The following RTL4 variants were observed in gnomAD, a reference collection of about 807,000 sequenced individuals.
The protein encoded by RTL4 is retrotransposon Gag like 4.
In RTL4, 4 loss-of-function variants were observed where a neutral mutation model predicts 5.3. The ratio of observed to expected loss-of-function variants is 0.75; its 90% CI spans 0.37 to 1.72. The LOEUF (loss-of-function observed/expected upper bound fraction) is 1.72, where lower values mean the gene tolerates loss of function less well. Among genes scored for constraint, RTL4 ranks in the 40% most tolerant of loss-of-function variants. The probability of loss-of-function intolerance (pLI) is 0.04; values close to 1 mark genes in which losing one functional copy is unlikely to be tolerated. For missense variants in RTL4, 260 were observed against 227.1 expected (o/e 1.14, Z -0.93); for synonymous variants, 98 against 87.3 (o/e 1.12, Z -0.68).
the RTL4 span, among the ~76,000 whole-genome samples, chrX:112,405,025 A>T: frequency 9.0e-6 from 1 of 111,488 alleles, no homozygotes; most frequent in African/African-American, 3.3e-5. Context: ...GGAGGTACTG[A>T]TCCAGGTGAT....
chrX:112,284,473 T>C, the RTL4 span, among the ~76,000 whole-genome samples: 1 of 110,877 alleles, frequency 9.0e-6, no homozygotes, highest in East Asian at 2.8e-4. Flanking sequence ...CTGAACTTTC[T>C]CATTCTAACT....
At chrX:112,438,461 C>T in the RTL4 span, among the ~76,000 whole-genome samples, 11 of 112,648 alleles carry the variant, frequency 9.8e-5, no homozygotes, top group Non-Finnish European at 1.9e-4. Flanking sequence ...CAGACTGAGA[C>T]TTGTAGTTCT....
At chrX:112,177,257 C>T in the RTL4 span, among the ~76,000 whole-genome samples, 4 of 110,929 alleles carry the variant, frequency 3.6e-5, no homozygotes, top group African/African-American at 1.3e-4. Context: ...CTTTGAGAAA[C>T]CTCCATAGAG....
chrX:112,091,946 AATTG>A, the RTL4 span, among the ~76,000 whole-genome samples: 19 of 111,655 alleles, frequency 1.7e-4, no homozygotes, highest in African/African-American at 6.2e-4. Flanking sequence ...TTTCTTGATT[AATTG>A]ACCCTTTTAC....
chrX:112,266,680 C>T, the RTL4 span, among the ~76,000 whole-genome samples: 1 of 111,436 alleles, frequency 9.0e-6, no homozygotes, highest in African/African-American at 3.3e-5. Context: ...TCTTTTGCTG[C>T]CCCTGTAATC....
Position 112,455,519 on chromosome X carries a change from T to TGCCTCTCACCCCAGCC in RTL4, c.792_807dup (p.Lys270AlafsTer42), listed in dbSNP as rs760898202. 3.3e-6 allele frequency: 4 copies of TGCCTCTCACCCCAGCC among 1,209,433 alleles called. No homozygotes were observed. The highest frequency in any genetic ancestry group is 4.5e-6 in the Non-Finnish European group (4 of 895,179). Reference sequence around the variant, plus strand: ...CCTATACAGCTGCGAGAAGGCCAGCTGCCTCTCACCCCAGCCAAACGAGCC... The same window carrying TGCCTCTCACCCCAGCC: ...CCTATACAGCTGCGAGAAGGCCAGCTGCCTCTCACCCCAGCCGCCTCTCACCCCAGCCAAACGAGCC... On this transcript the variant is annotated frameshift_variant, in exon 1 of 1. Transcript: ENST00000340433. LOFTEE classifies it high-confidence loss of function.
chrX:112,367,803 A>T, the RTL4 span, among the ~76,000 whole-genome samples: 335 of 112,015 alleles, frequency 3.0e-3, 1 homozygote, highest in Non-Finnish European at 5.4e-3. Context: ...GAGACCACAC[A>T]GGAAGGGACA....
At chrX:112,193,015 T>C in the RTL4 span, among the ~76,000 whole-genome samples, 1 of 111,962 alleles carries the variant, frequency 8.9e-6, no homozygotes, top group Admixed American at 9.5e-5. Context: ...AGATAGTTTT[T>C]CCATATATAA....
chrX:112,178,763 G>A, the RTL4 span, among the ~76,000 whole-genome samples: 5 of 110,890 alleles, frequency 4.5e-5, no homozygotes, highest in Non-Finnish European at 9.4e-5. Context: ...CATCATATAT[G>A]CCAGGGACAC....
the RTL4 span, among the ~76,000 whole-genome samples, chrX:112,194,717 C>G: frequency 1.8e-5 from 2 of 112,007 alleles, no homozygotes; most frequent in Non-Finnish European, 3.8e-5. Flanking sequence ...GGAAACCACA[C>G]ACTGAAAGGC....
chrX:112,103,324 A>G, the RTL4 span, among the ~76,000 whole-genome samples: 1 of 103,465 alleles, frequency 9.7e-6, no homozygotes, highest in Admixed American at 9.8e-5. Flanking sequence ...CAGGAACAGA[A>G]AACCAAATAT....
At chrX:112,312,693 C>A in the RTL4 span, among the ~76,000 whole-genome samples, 1 of 111,075 alleles carries the variant, frequency 9.0e-6, no homozygotes, top group Non-Finnish European at 1.9e-5. Flanking sequence ...CTCTAAAGTG[C>A]CAAAGACAGA....
chrX:112,120,431 C>T, the RTL4 span, among the ~76,000 whole-genome samples: 1 of 111,104 alleles, frequency 9.0e-6, no homozygotes, highest in Non-Finnish European at 1.9e-5. Context: ...CGCCCGCCAC[C>T]ACGCCTGGCT....
chrX:112,247,276 C>A, the RTL4 span, among the ~76,000 whole-genome samples: 1 of 111,468 alleles, frequency 9.0e-6, no homozygotes. Context: ...AAAAAGGTAC[C>A]TATTAATAGT....
chrX:112,199,088 AC>A, the RTL4 span, among the ~76,000 whole-genome samples: 39 of 110,364 alleles, frequency 3.5e-4, no homozygotes, highest in African/African-American at 1.2e-3. Context: ...GGAGATCGAG[AC>A]CATCCTGGCT....
At chrX:112,128,167 T>C in the RTL4 span, among the ~76,000 whole-genome samples, 4 of 111,445 alleles carry the variant, frequency 3.6e-5, no homozygotes, top group Non-Finnish European at 7.5e-5. Context: ...ATTTAAAATC[T>C]TATTAAAAAG....
the RTL4 span, among the ~76,000 whole-genome samples, chrX:112,254,357 G>T: frequency 4.6e-5 from 5 of 108,827 alleles, no homozygotes; most frequent in Non-Finnish European, 9.5e-5. Context: ...TTGAGACGGA[G>T]TCTGGCTCTG....
the RTL4 span, among the ~76,000 whole-genome samples, chrX:112,342,323 C>T: frequency 5.4e-5 from 6 of 111,549 alleles, no homozygotes; most frequent in Non-Finnish European, 1.1e-4. Flanking sequence ...TGGGACCCAC[C>T]TCCACAGATT....
the RTL4 span, among the ~76,000 whole-genome samples, chrX:112,393,657 A>G: frequency 1.8e-5 from 2 of 111,997 alleles, no homozygotes; most frequent in Non-Finnish European, 3.8e-5. Context: ...GGACTCCCCA[A>G]AGCCTTAAAG....
Sources: allele counts gnomAD v4.1 joint callset (sites outside exome capture counted in the v4.1 genomes callset), GRCh38; gene constraint gnomAD v4.1.1; transcripts MANE v1.5; gene names NCBI Gene and HGNC (gene_info 2026-07-23, HGNC 2026-07-21).